MBTD1: variants seen among roughly 807,000 people sequenced by gnomAD.
MBTD1 encodes the protein mbt domain containing 1.
Under a neutral mutation model 87.8 loss-of-function variants are expected in MBTD1, and 24 were observed. That is an observed-to-expected ratio of 0.27 (90% CI 0.20 to 0.38). The LOEUF is 0.38. Among genes scored for constraint, MBTD1 ranks in the 10% least tolerant of loss-of-function variants. The pLI is 1.00. For synonymous variants in MBTD1, 237 were observed against 248.6 expected, an observed-to-expected ratio of 0.95 and a Z score of 0.44; for missense variants, 436 against 760.2, an observed-to-expected ratio of 0.57 and a Z score of 5.02.
At chr17:51,211,702 A>C (rs537202519) in intron 6 of MBTD1, among the ~76,000 whole-genome samples, 31 of 152,094 alleles carry the variant, frequency 2.0e-4, no homozygotes, top group Non-Finnish European at 3.7e-4. Context: ...TGAAGATTTT[A>C]ACTTTCGTTA....
At chr17:51,190,646 C>T (rs1302727333) in intron 16 of MBTD1, among the ~76,000 whole-genome samples, 1 of 139,750 alleles carries the variant, frequency 7.2e-6, no homozygotes, top group Non-Finnish European at 1.5e-5. Flanking sequence ...TGCTTGTACC[C>T]GAGAAGTCGA....
At chr17:51,200,205 G>C (rs949669290) in intron 12 of MBTD1, among the ~76,000 whole-genome samples, 8 of 152,112 alleles carry the variant, frequency 5.3e-5, no homozygotes, top group African/African-American at 1.9e-4. Flanking sequence ...CTTTATGTAA[G>C]TAGACTTTCC....
At chr17:51,255,351 A>G (rs1319626479) in intron 2 of MBTD1, among the ~76,000 whole-genome samples, 1 of 152,200 alleles carries the variant, frequency 6.6e-6, no homozygotes, top group African/African-American at 2.4e-5. Context: ...TATAACCTAA[A>G]AACACTTGAT....
At chr17:51,222,501 T>C (rs551574490) in intron 3 of MBTD1, among the ~76,000 whole-genome samples, 32 of 152,140 alleles carry the variant, frequency 2.1e-4, no homozygotes, top group African/African-American at 7.5e-4. Context: ...GCCTTCCGGA[T>C]TCAAGCAATT....
intron 4 of MBTD1, among the ~76,000 whole-genome samples, chr17:51,219,518 C>T (rs1437089776): frequency 6.6e-6 from 1 of 152,182 alleles, no homozygotes; most frequent in East Asian, 1.9e-4. Context: ...GCCAAATTCA[C>T]AGTGTGACAA....
intron 12 of MBTD1, among the ~76,000 whole-genome samples, chr17:51,196,837 A>G (rs1250025734): frequency 6.6e-6 from 1 of 151,620 alleles, no homozygotes; most frequent in Non-Finnish European, 1.5e-5. Flanking sequence ...GGCTGCAGTG[A>G]GCCGAGACCA....
In MBTD1 at chr17:51,178,001, TAAG is replaced by T. The variant is rs2050163020; in HGVS notation, c.*2572_*2574del. 6.6e-6 allele frequency: 1 copy of T among 152,142 alleles called. No individual in the cohort carries two copies. Among genetic ancestry groups the T allele is most frequent in the South Asian group, 2.1e-4 (1 of 4,830 alleles). 9.4% of individuals were successfully genotyped at this position (152,142 alleles called of 1,614,324 possible). ...GAAAACCCGTGTTAGTATCGTAGAATAAGAAGTTGATAACAGCTTTAGCTTTCC... is the reference window on the plus strand; with the variant it reads ...GAAAACCCGTGTTAGTATCGTAGAATAAGTTGATAACAGCTTTAGCTTTCC... On this transcript the variant is annotated 3_prime_UTR_variant, in exon 17 of 17. Coordinates refer to ENST00000586178, the MANE Select transcript of MBTD1 (RefSeq NM_017643.3).
intron 2 of MBTD1, among the ~76,000 whole-genome samples, chr17:51,249,147 C>G (rs1215615689): frequency 1.3e-5 from 2 of 150,742 alleles, no homozygotes; most frequent in Non-Finnish European, 2.9e-5. Flanking sequence ...GTGGTCTCAG[C>G]TACTTGGGAG....
At chr17:51,226,423 A>C (rs2053220786) in intron 2 of MBTD1, among the ~76,000 whole-genome samples, 1 of 151,156 alleles carries the variant, frequency 6.6e-6, no homozygotes, top group Non-Finnish European at 1.5e-5. Flanking sequence ...GGATCACTAG[A>C]GCCTGGGAGG....
chr17:51,236,182 T>C (rs1568220533), intron 2 of MBTD1, among the ~76,000 whole-genome samples: 1 of 152,190 alleles, frequency 6.6e-6, no homozygotes, highest in Non-Finnish European at 1.5e-5. Flanking sequence ...TCTCTACCTA[T>C]AGATATCTAT....
intron 2 of MBTD1, among the ~76,000 whole-genome samples, chr17:51,236,152 T>C (rs1298201909): frequency 2.6e-5 from 4 of 152,224 alleles, no homozygotes; most frequent in South Asian, 2.1e-4. Flanking sequence ...ACAGAATCTA[T>C]ATATATCTAT....
At chr17:51,194,297 C>G (rs1256265513) in intron 13 of MBTD1, among the ~76,000 whole-genome samples, 1 of 152,144 alleles carries the variant, frequency 6.6e-6, no homozygotes, top group South Asian at 2.1e-4. Context: ...GGGCTGGGTG[C>G]AGTGGCTCAC....
At chr17:51,252,466 C>T (rs756867295) in intron 2 of MBTD1, among the ~76,000 whole-genome samples, 18 of 152,134 alleles carry the variant, frequency 1.2e-4, no homozygotes, top group Non-Finnish European at 2.1e-4. Flanking sequence ...TGGCTCACAC[C>T]TGTAATCCTA....
intron 16 of MBTD1, 34 bp from the exon 17 acceptor site, chr17:51,180,728 A>AG: frequency 8.6e-7 from 1 of 1,168,162 alleles, no homozygotes; most frequent in East Asian, 2.6e-5. Flanking sequence ...ATGGGCATTA[A>AG]GGCTCTCTAG....
chr17:51,217,496 A>G (rs1375372854), intron 5 of MBTD1, 80 bp from the exon 6 acceptor site: 1 of 647,634 alleles, frequency 1.5e-6, no homozygotes, highest in African/African-American at 1.9e-5. Flanking sequence ...AAAATGTGTG[A>G]AAGGACATAA....
intron 7 of MBTD1, among the ~76,000 whole-genome samples, 164 bp from the exon 8 acceptor site, chr17:51,204,089 G>C (rs1460895433): frequency 6.6e-6 from 1 of 152,204 alleles, no homozygotes; most frequent in African/African-American, 2.4e-5. Context: ...TTCTGATTTT[G>C]TAGATCTTGG....
At chr17:51,210,156 C>G (rs1186389956) in intron 6 of MBTD1, among the ~76,000 whole-genome samples, 1 of 151,910 alleles carries the variant, frequency 6.6e-6, no homozygotes, top group Non-Finnish European at 1.5e-5. Flanking sequence ...CGCATGCCAC[C>G]AAGCCTGGCT....
chr17:51,229,663 T>C (rs2053443717), intron 2 of MBTD1, among the ~76,000 whole-genome samples: 1 of 147,152 alleles, frequency 6.8e-6, no homozygotes, highest in African/African-American at 2.5e-5. Flanking sequence ...TAGTATACTT[T>C]TTTTTTTTTT....
chr17:51,218,529 C>CAAAAAA (rs58563366), intron 5 of MBTD1, among the ~76,000 whole-genome samples: 2 of 110,686 alleles, frequency 1.8e-5, no homozygotes, highest in East Asian at 2.5e-4. Context: ...ACTCTGTCTC[C>CAAAAAA]AAAAAAAAAA....
Sources: gnomAD v4.1 joint callset for allele counts (sites outside exome capture counted in the v4.1 genomes callset) on GRCh38, gnomAD v4.1.1 for gene constraint, MANE v1.5 for transcripts, NCBI Gene and HGNC (gene_info 2026-07-23, HGNC 2026-07-21) for gene names.